Variants in PLA2G4C observed in about 807,000 individuals in gnomAD.
PLA2G4C encodes phospholipase A2 group IVC.
Under a neutral mutation model 73.8 loss-of-function variants are expected in PLA2G4C, and 64 were observed. The ratio of observed to expected loss-of-function variants is 0.87; its 90% confidence interval spans 0.71 to 1.07. The LOEUF is 1.07. Among genes scored for constraint, PLA2G4C ranks in the 50% least tolerant of loss-of-function variants. The pLI is 0.00. For missense variants in PLA2G4C, 622 were observed against 665.4 expected, an observed-to-expected ratio of 0.93 and a Z score of 0.72; for synonymous variants, 254 against 252.1, an observed-to-expected ratio of 1.01 and a Z score of -0.07.
chr19:48,075,088 C>G (rs2030048763), intron 11 of PLA2G4C, among the ~76,000 whole-genome samples: 1 of 152,058 alleles, frequency 6.6e-6, no homozygotes, highest in Admixed American at 6.6e-5. Context: ...GCTCCTTCAT[C>G]TCTGCCTCCA....
At chr19:48,110,310 C>A (rs2122186569) in intron 1 of PLA2G4C, among the ~76,000 whole-genome samples, 177 bp downstream of exon 1, 1 of 151,628 alleles carries the variant, frequency 6.6e-6, no homozygotes, top group Admixed American at 6.6e-5. Flanking sequence ...CGCGTCACTG[C>A]ACTCCAGCCT....
chr19:48,098,958 GA>G (rs1479836349), intron 5 of PLA2G4C, among the ~76,000 whole-genome samples: 2 of 151,422 alleles, frequency 1.3e-5, no homozygotes, highest in Non-Finnish European at 2.9e-5. Flanking sequence ...GGATAGGCTG[GA>G]TGCAGTGGCT....
intron 9 of PLA2G4C, among the ~76,000 whole-genome samples, chr19:48,085,590 C>G (rs567190779): frequency 1.3e-4 from 20 of 152,270 alleles, no homozygotes; most frequent in Admixed American, 2.0e-4. Context: ...GCATACCCCT[C>G]CCACTTGGAA....
At chr19:48,057,477 C>CCTCCTTTTTTT (rs1967989621) in intron 14 of PLA2G4C, among the ~76,000 whole-genome samples, 4 of 16,852 alleles carry the variant, frequency 2.4e-4, no homozygotes, top group Non-Finnish European at 3.8e-4. Flanking sequence ...TCTTCTTCTT[C>CCTCCTTTTTTT]TTCTTCTTTT....
chr19:48,058,620 C>A (rs1051209848), intron 14 of PLA2G4C, among the ~76,000 whole-genome samples: 1 of 152,026 alleles, frequency 6.6e-6, no homozygotes, highest in Non-Finnish European at 1.5e-5. Context: ...GAGTTCAAGA[C>A]CAGCCTGGCC....
chr19:48,068,304 A>C (rs1275522347), intron 12 of PLA2G4C, among the ~76,000 whole-genome samples: 1 of 18,008 alleles, frequency 5.6e-5, no homozygotes. Context: ...ACTCCATCTC[A>C]AAAAAAAAAA....
intron 10 of PLA2G4C, among the ~76,000 whole-genome samples, chr19:48,082,492 CT>C (rs936299671): frequency 1.1e-5 from 1 of 91,518 alleles, no homozygotes; most frequent in African/African-American, 3.3e-5. Context: ...TTCTTTCTTT[CT>C]TTCTTTTTTT....
chr19:48,101,126 A>ATATATATATTTTT (rs1491313107), intron 4 of PLA2G4C, among the ~76,000 whole-genome samples: 6 of 74,130 alleles, frequency 8.1e-5, no homozygotes, highest in African/African-American at 3.8e-4. Context: ...ATATATATAT[A>ATATATATATTTTT]TTTTTTTTTT....
At chr19:48,051,419 G>A (rs1967720183) in intron 16 of PLA2G4C, among the ~76,000 whole-genome samples, 1 of 152,200 alleles carries the variant, frequency 6.6e-6, no homozygotes, top group Non-Finnish European at 1.5e-5. Flanking sequence ...GAGGCCTCAG[G>A]AAACTTATCA....
chr19:48,101,738 G>C (rs114574971), intron 4 of PLA2G4C, among the ~76,000 whole-genome samples: 1 of 146,882 alleles, frequency 6.8e-6, no homozygotes, highest in Admixed American at 6.9e-5. Context: ...ACAGTGGTTC[G>C]AGCTCGGCTC....
intron 10 of PLA2G4C, among the ~76,000 whole-genome samples, chr19:48,081,652 G>A (rs4801744): frequency 0.3 from 46,313 of 151,922 alleles, 8,595 homozygotes; most frequent in South Asian, 0.43. Flanking sequence ...CCAGCTACTC[G>A]GGAGGTTGAG....
intron 16 of PLA2G4C, among the ~76,000 whole-genome samples, chr19:48,049,313 AC>A (rs1266509258): frequency 7.2e-5 from 11 of 151,848 alleles, no homozygotes; most frequent in African/African-American, 2.7e-4. Context: ...CCTCATGGCC[AC>A]CCCTTCTCAG....
chr19:48,067,465 G>A (rs1239432449), intron 13 of PLA2G4C, among the ~76,000 whole-genome samples: 6 of 151,974 alleles, frequency 3.9e-5, no homozygotes, highest in Non-Finnish European at 4.4e-5. Flanking sequence ...ACTGCGCCCA[G>A]CCCATACAAG....
chr19:48,089,631 A>C (rs1041213861), intron 8 of PLA2G4C, among the ~76,000 whole-genome samples: 11 of 152,222 alleles, frequency 7.2e-5, no homozygotes, highest in African/African-American at 2.4e-4. Flanking sequence ...TAAACCCCAC[A>C]TCAAATATAC....
At chr19:48,084,715 T>C (rs2030871084) in intron 10 of PLA2G4C, among the ~76,000 whole-genome samples, 3 of 152,256 alleles carry the variant, frequency 2.0e-5, no homozygotes, top group South Asian at 2.1e-4. Flanking sequence ...CTATGTGCTT[T>C]TGATGAATTA....
intron 1 of PLA2G4C, among the ~76,000 whole-genome samples, chr19:48,110,095 C>T (rs1365238474): frequency 6.6e-6 from 1 of 151,450 alleles, no homozygotes; most frequent in African/African-American, 2.4e-5. Context: ...CGCCTGTAAT[C>T]CCAGCACTTT....
intron 12 of PLA2G4C, among the ~76,000 whole-genome samples, chr19:48,074,274 G>A (rs1221558038): frequency 6.6e-6 from 1 of 152,110 alleles, no homozygotes; most frequent in Non-Finnish European, 1.5e-5. Flanking sequence ...TGAGGATAAT[G>A]ACTTCCAGCT....
At chr19:48,083,451 C>CTTT (rs56744614) in intron 10 of PLA2G4C, among the ~76,000 whole-genome samples, 784 of 58,278 alleles carry the variant, frequency 0.013, 15 homozygotes, top group African/African-American at 0.042. Context: ...TTTCTTTTTT[C>CTTT]TTTTTTTTTT....
chr19:48,082,496 C>CTTTTTTTTTTTTTTTTTTTTTTTTTCT (rs66641645), intron 10 of PLA2G4C, among the ~76,000 whole-genome samples: 1 of 106,280 alleles, frequency 9.4e-6, no homozygotes, highest in Non-Finnish European at 1.8e-5. Flanking sequence ...TTCTTTCTTT[C>CTTTTTTTTTTTTTTTTTTTTTTTTTCT]TTTTTTTTTT....
Sources: gnomAD v4.1 joint callset for allele counts (sites outside exome capture counted in the v4.1 genomes callset) on GRCh38, gnomAD v4.1.1 for gene constraint, MANE v1.5 for transcripts, NCBI Gene and HGNC (gene_info 2026-07-23, HGNC 2026-07-21) for gene names.